CD6: variants seen among roughly 807,000 people sequenced by gnomAD.
The protein encoded by CD6 is CD6 molecule.
CD6 carries 53 observed loss-of-function variants against 75.3 expected under a neutral mutation model. The observed-to-expected ratio is 0.70, with a 90% CI of 0.56 to 0.88. The LOEUF (loss-of-function observed/expected upper bound fraction) is 0.88. CD6 is among the 40% of genes least tolerant of loss of function. The probability of loss-of-function intolerance (pLI) is 0.00; values close to 1 mark genes in which losing one functional copy is unlikely to be tolerated. For missense variants in CD6, 770 were observed against 897.1 expected, an observed-to-expected ratio of 0.86 and a Z score of 1.81; for synonymous variants, 359 against 381.5, an observed-to-expected ratio of 0.94 and a Z score of 0.69.
intron 4 of CD6, among the ~76,000 whole-genome samples, chr11:61,009,259 A>G (rs1355770870): frequency 1.3e-5 from 2 of 152,126 alleles, no homozygotes; most frequent in Non-Finnish European, 2.9e-5. Context: ...TTTGATAAGC[A>G]GGAGATGGGG....
In CD6 at chr11:61,015,723, G is replaced by A; in HGVS notation, c.1398G>A (p.Leu466=). 6.2e-7 allele frequency: 1 copy of A among 1,614,066 alleles called. No individual in the cohort carries two copies. Among genetic ancestry groups the A allele is most frequent in the East Asian group, 2.2e-5 (1 of 44,880 alleles). ...PITIPKEVFM[L]PIQVQAPPPE... ...CTGTTCTCTCCCCAGTTTTCATGCT[G>A]CCCATCCAGGTCCAGGCCCCGCCCC... is the stretch of plus-strand genomic sequence containing the variant. Residue 466 remains leucine, a synonymous_variant, in exon 9 of 13, where the codon CTG becomes CTA. Transcript: ENST00000313421.
chr11:60,994,044 T>C (rs1373205759), intron 1 of CD6, among the ~76,000 whole-genome samples: 1 of 152,226 alleles, frequency 6.6e-6, no homozygotes, highest in Non-Finnish European at 1.5e-5. Context: ...CCCTTGGATT[T>C]GGTGACAGAG....
At chr11:60,994,465 A>AAAAAAAACAAAAAC (rs1554993198) in intron 1 of CD6, among the ~76,000 whole-genome samples, 1 of 138,276 alleles carries the variant, frequency 7.2e-6, no homozygotes, top group Non-Finnish European at 1.6e-5. Context: ...GCCAAAAAAA[A>AAAAAAAACAAAAAC]AAAAAAGCTG....
intron 1 of CD6, chr11:60,982,574 C>G: frequency 2.2e-6 from 1 of 456,040 alleles, no homozygotes; most frequent in East Asian, 6.9e-5. Flanking sequence ...TTCCCCACTC[C>G]ATTTGGTGTG....
chr11:61,020,028 G>A lies in CD6; in HGVS notation c.*710G>A, dbSNP rs1241064980. ...GCCAGGGGCACAGACCAGTTCTGCAGTGACTGTCCCTGGACAATGGGTCTT... is the reference window on the plus strand; with the variant it reads ...GCCAGGGGCACAGACCAGTTCTGCAATGACTGTCCCTGGACAATGGGTCTT... On this transcript the variant is annotated 3_prime_UTR_variant, in exon 13 of 13. Transcript: ENST00000313421. 1 of 397,400 alleles carries A rather than the reference G, an allele frequency of 2.5e-6. No individual in the cohort carries two copies. The highest frequency in any genetic ancestry group is 2.1e-5 in the African/African-American group (1 of 48,618). The allele number at this position is 397,400 out of a possible 1,614,324, so 24.6% of individuals were successfully genotyped here.
At chr11:60,987,077 G>A (rs1015314920) in intron 1 of CD6, among the ~76,000 whole-genome samples, 9 of 152,120 alleles carry the variant, frequency 5.9e-5, no homozygotes, top group African/African-American at 1.4e-4. Context: ...GCAGTGAGCC[G>A]AGATGGCACC....
Position 61,018,367 on chromosome 11 carries a change from C to T in CD6, c.1916C>T (p.Pro639Leu). 6.2e-7 allele frequency: 1 copy of T among 1,602,906 alleles called. No individual in the cohort carries two copies. The highest frequency in any genetic ancestry group is 8.5e-7 in the Non-Finnish European group (1 of 1,174,580). The stretch of plus-strand genomic sequence containing the variant: ...AACTTCCAGCCACCACCCCAGCCCC[C>T]TTCGGAGGAGCAGTTTGGCTGTCCA... The part of the protein sequence containing the change: ...YQNFQPPPQP[P>L]SEEQFGCPGS... The change falls in exon 12 of 13, where the codon CCT (proline) becomes CTT (leucine). Residue 639 changes from proline (P) to leucine (L), a missense_variant. Pro to Leu is a moderately conservative substitution (Grantham distance 98). Transcript: ENST00000313421.
At position 60,986,614 on chromosome 11, in the gene CD6, T is replaced by C. The variant is rs955118940; in HGVS notation, c.49+14700T>C. 8.6e-4 allele frequency among the ~76,000 whole-genome samples: 131 copies of C among 152,270 alleles called. 2 individuals are homozygous for C. Among genetic ancestry groups the C allele is most frequent in the African/African-American group, 3.0e-3 (126 of 41,562 alleles). ...GTTGAAATTCAGTTCCGAGAAACACTTGTGGGTTTGTAGACTCTATGGCAT... is the reference window on the plus strand; with the variant it reads ...GTTGAAATTCAGTTCCGAGAAACACCTGTGGGTTTGTAGACTCTATGGCAT... On this transcript the variant is annotated intron_variant, in intron 1 of 12. Transcript: ENST00000313421.
At chr11:60,989,479 C>T (rs1464714466) in intron 1 of CD6, 12 of 152,534 alleles carry the variant, frequency 7.9e-5, no homozygotes, top group Admixed American at 7.9e-4. Flanking sequence ...TGTCCCTCCT[C>T]CAGGTTCCTC....
At chr11:61,006,965 C>G (rs916796166) in intron 2 of CD6, among the ~76,000 whole-genome samples, 27 of 152,010 alleles carry the variant, frequency 1.8e-4, no homozygotes, top group Non-Finnish European at 4.0e-4. Flanking sequence ...TTATTAAGGA[C>G]CTACTGTATG....
chr11:60,984,120 C>T (rs1270751701), intron 1 of CD6, among the ~76,000 whole-genome samples: 1 of 152,100 alleles, frequency 6.6e-6, no homozygotes, highest in Non-Finnish European at 1.5e-5. Flanking sequence ...ATAATTTCCT[C>T]CTTTGTAATT....
rs758532281 is a variant in CD6, at chr11:61,013,938, C to T, written c.1311C>T (p.Asn437=). ...KGKYALPVMV[N]HQHLPTTIPA... is the part of the protein sequence containing the mutation. ...CCTCAGCCCTCCCCGTAATGGTGAA[C>T]CACCAGCACCTACCCACCACCATCC... The change falls in exon 8 of 13, where the codon AAC becomes AAT. Residue 437 remains asparagine, a synonymous_variant. Coordinates refer to ENST00000313421, the MANE Select transcript of CD6 (RefSeq NM_006725.5). 1.2e-6 allele frequency: 2 copies of T among 1,612,788 alleles called. No homozygotes were observed. Among genetic ancestry groups the T allele is most frequent in the East Asian group, 4.5e-5 (2 of 44,756 alleles).
Position 61,006,562 on chromosome 11 carries a change from G to A in CD6, c.50-12G>A. 6.3e-7 allele frequency: 1 copy of A among 1,592,978 alleles called. No homozygotes were observed. Among genetic ancestry groups the A allele is most frequent in the Non-Finnish European group, 8.6e-7 (1 of 1,169,464 alleles). ...CTCACTCACCCACCATGCTGCTGCT[G>A]GTTCATTTCAGGTCATCCATCTCCA... On this transcript the variant is annotated splice_polypyrimidine_tract_variant and intron_variant, in intron 1 of 12. Coordinates refer to ENST00000313421, the MANE Select transcript of CD6 (RefSeq NM_006725.5).
intron 7 of CD6, 79 bp from the exon 8 acceptor site, chr11:61,013,840 G>A (rs1259215233): frequency 8.0e-6 from 8 of 1,001,824 alleles, no homozygotes; most frequent in South Asian, 1.6e-5. Flanking sequence ...GTGGTGTGTC[G>A]ATGAGAACAG....
At chr11:61,004,477 C>G (rs1426187124) in intron 1 of CD6, 1 of 152,218 alleles carries the variant, frequency 6.6e-6, no homozygotes, top group Non-Finnish European at 1.5e-5. Context: ...GGGCAGCCAG[C>G]CAGGGAGTTA....
chr11:61,017,889 T>G lies in CD6; in HGVS notation c.1713T>G (p.Asp571Glu). 6.2e-7 allele frequency: 1 copy of G among 1,614,008 alleles called. No homozygotes were observed. The highest frequency in any genetic ancestry group is 8.5e-7 in the Non-Finnish European group (1 of 1,180,006). ...AGTCGAGCACCTCTTCAGGGGAGGA[T>G]TACTGCAATAGTCCCAAAAGCAAGC... ...NSESSTSSGEDYCNSPKSKLP... is the reference protein window; with the variant it reads ...NSESSTSSGEEYCNSPKSKLP... The change falls in exon 11 of 13, where the codon GAT becomes GAG. Residue 571 changes from aspartate (D) to glutamate (E), a missense_variant. Physicochemically the swap from Asp to Glu is conservative, Grantham distance 45. Transcript: ENST00000313421.
chr11:61,017,299 T>C, intron 9 of CD6, 180 bp from the exon 10 acceptor site: 1 of 611,514 alleles, frequency 1.6e-6, no homozygotes, highest in Non-Finnish European at 2.9e-6. Flanking sequence ...AGGCGAAGGC[T>C]CTGCTGGATT....
chr11:61,016,669 G>A (rs755428818), intron 9 of CD6, among the ~76,000 whole-genome samples: 29 of 152,178 alleles, frequency 1.9e-4, no homozygotes, highest in Admixed American at 5.9e-4. Flanking sequence ...ACAGATTCCC[G>A]CTCACAACCC....
intron 1 of CD6, among the ~76,000 whole-genome samples, chr11:60,988,187 A>G (rs752994255): frequency 1.8e-4 from 27 of 152,348 alleles, no homozygotes; most frequent in Non-Finnish European, 3.2e-4. Flanking sequence ...CTCATCTGGA[A>G]CACTGAGCCT....
Sources: allele counts gnomAD v4.1 joint callset (sites outside exome capture counted in the v4.1 genomes callset), GRCh38; gene constraint gnomAD v4.1.1; transcripts MANE v1.5; gene names NCBI Gene and HGNC (gene_info 2026-07-23, HGNC 2026-07-21).